The following SMOX variants were observed in gnomAD, a reference collection of about 807,000 sequenced individuals.
SMOX encodes the protein flavin containing amine oxidase.
SMOX carries 22 observed loss-of-function variants against 51.0 expected under a neutral mutation model. That is an observed-to-expected ratio of 0.43 (90% CI 0.31 to 0.62). The LOEUF is 0.62. Among genes scored for constraint, SMOX ranks in the 20% least tolerant of loss-of-function variants. The pLI is 0.10. For synonymous variants in SMOX, 282 were observed against 307.8 expected (o/e 0.92, Z 0.88); for missense variants, 566 against 777.7 (o/e 0.73, Z 3.24).
At chr20:4,175,391 C>T in intron 2 of SMOX, 128 bp downstream of exon 2, 1 of 1,142,116 alleles carries the variant, frequency 8.8e-7, no homozygotes. Flanking sequence ...CCTGCCTGGG[C>T]ATTTTCCAGA....
At position 4,170,626 on chromosome 20, in the gene SMOX, A is replaced by G. The variant is rs958975335; in HGVS notation, c.-26-4404A>G. Among the ~76,000 whole-genome samples the G allele has an allele frequency of 2.0e-5, 3 of 152,180 alleles. No individual in the cohort carries two copies. Among genetic ancestry groups the G allele is most frequent in the African/African-American group, 4.8e-5 (2 of 41,430 alleles). On this transcript the variant is annotated intron_variant, in intron 1 of 6. Coordinates refer to ENST00000305958, the MANE Select transcript of SMOX (RefSeq NM_175839.3). The surrounding 1 kb of genome is among the most constrained non-coding windows in gnomAD (Gnocchi z 4.6). ...GGATGGGATGAAGAAGTGGCAGTTCACACAAACTTTGGTGGCTCGTGCCCA... is the reference window on the plus strand; with the variant it reads ...GGATGGGATGAAGAAGTGGCAGTTCGCACAAACTTTGGTGGCTCGTGCCCA...
Position 4,183,234 on chromosome 20 carries a change from A to G in SMOX, c.1370-260A>G. The G allele has an allele frequency of 5.1e-6, 3 of 584,690 alleles. No individual in the cohort carries two copies. The highest frequency in any genetic ancestry group is 2.0e-5 in the South Asian group (1 of 49,140). 36.2% of individuals were successfully genotyped at this position (584,690 alleles called of 1,614,324 possible). ...AACCCCCGATATTAGGCGGGGAAAC[A>G]TGATTATGTGTCATGTGTTTTCAGA... On this transcript the variant is annotated intron_variant, in intron 5 of 6. Transcript: ENST00000305958. The surrounding 1 kb of genome is among the most constrained non-coding windows in gnomAD (Gnocchi z 4.3).
rs1212638390 is a variant in SMOX, at chr20:4,148,857, C to T, written c.-147C>T. 1.3e-5 allele frequency: 2 copies of T among 152,766 alleles called. No individual in the cohort carries two copies. Among genetic ancestry groups the T allele is most frequent in the African/African-American group, 2.4e-5 (1 of 41,424 alleles). 9.5% of individuals were successfully genotyped at this position (152,766 alleles called of 1,614,324 possible). A position where few individuals can be genotyped will look rare whatever the true frequency, so the allele number is the denominator to read the frequency against. On this transcript the variant is annotated 5_prime_UTR_variant, in exon 1 of 7. Coordinates refer to ENST00000305958, the MANE Select transcript of SMOX (RefSeq NM_175839.3). ...AGGCCGCGGCGGCTGGCTCGGGCCC[C>T]TACGGTCCCGGCGGCGGCTGGAGGA...
chr20:4,182,853 GCCACGTGCC>G lies in SMOX; in HGVS notation c.1369+11_1369+19del. 6.3e-7 allele frequency: 1 copy of G among 1,598,348 alleles called. No homozygotes were observed. The highest frequency in any genetic ancestry group is 8.5e-7 in the Non-Finnish European group (1 of 1,176,456). ...AGATGCTGCGTCAGTTCACAGGTGC[GCCACGTGCC>G]CCACGACCCGCTTCCCCCACCCTGC... On this transcript the variant is annotated splice_donor_region_variant and intron_variant, in intron 5 of 6. Transcript: ENST00000305958. This position sits in a 1 kb window ranked among gnomAD's most constrained non-coding sequence, Gnocchi z 8.4.
chr20:4,158,120 TC>T (rs1986121218), intron 1 of SMOX, among the ~76,000 whole-genome samples: 1 of 150,650 alleles, frequency 6.6e-6, no homozygotes, highest in Non-Finnish European at 1.5e-5. Context: ...CAGGATGGTC[TC>T]GATCTCCTGA....
At chr20:4,168,235 G>A (rs2122484824) in intron 1 of SMOX, among the ~76,000 whole-genome samples, 1 of 152,272 alleles carries the variant, frequency 6.6e-6, no homozygotes, top group East Asian at 1.9e-4. Flanking sequence ...TCGGGGGCAA[G>A]TGAGCTGTCC....
intron 1 of SMOX, among the ~76,000 whole-genome samples, chr20:4,164,962 T>G (rs1276788774): frequency 6.6e-6 from 1 of 151,610 alleles, no homozygotes; most frequent in East Asian, 1.9e-4. Context: ...ATTGCAGCCT[T>G]ACACACCTGG....
chr20:4,160,479 C>CA, intron 1 of SMOX, among the ~76,000 whole-genome samples: 1 of 152,286 alleles, frequency 6.6e-6, no homozygotes, highest in East Asian at 1.9e-4. Context: ...TGGCGTCTGT[C>CA]ATGCCTCTGA....
intron 1 of SMOX, among the ~76,000 whole-genome samples, chr20:4,163,599 G>T (rs1449052491): frequency 6.6e-6 from 1 of 152,240 alleles, no homozygotes; most frequent in Admixed American, 6.5e-5. Flanking sequence ...TGGGAATTTG[G>T]TAGCAGTTTA....
At position 4,181,666 on chromosome 20, in the gene SMOX, G is replaced by A. The variant is rs1343772306; in HGVS notation, c.436-137G>A. ...TTGGTGCAGCATTGAGTGCAACATC[G>A]GATCCCTAAGGGACAGAGACCAGGG... On this transcript the variant is annotated intron_variant, in intron 3 of 6. Transcript: ENST00000305958. This position sits in a 1 kb window ranked among gnomAD's most constrained non-coding sequence, Gnocchi z 5.6. The A allele has an allele frequency of 2.0e-5, 21 of 1,051,796 alleles. No homozygotes were observed. Among genetic ancestry groups the A allele is most frequent in the Non-Finnish European group, 2.3e-5 (17 of 729,446 alleles). The allele number at this position is 1,051,796 out of a possible 1,614,324, so 65.2% of individuals were successfully genotyped here.
chr20:4,179,362 G>A (rs1979149347), intron 3 of SMOX, among the ~76,000 whole-genome samples: 1 of 152,262 alleles, frequency 6.6e-6, no homozygotes, highest in Non-Finnish European at 1.5e-5. Context: ...AGTCAAGAGA[G>A]TGCGTTGTGG....
At chr20:4,155,793 A>G (rs1985994663) in intron 1 of SMOX, among the ~76,000 whole-genome samples, 1 of 151,868 alleles carries the variant, frequency 6.6e-6, no homozygotes, top group Non-Finnish European at 1.5e-5. Flanking sequence ...CAGTTGCTGG[A>G]AGCGGGGTAG....
Position 4,183,709 on chromosome 20 carries a change from G to C in SMOX, c.1530+55G>C. 1 of 1,520,062 alleles carries C rather than the reference G, an allele frequency of 6.6e-7. No individual in the cohort carries two copies. The highest frequency in any genetic ancestry group is 8.8e-7 in the Non-Finnish European group (1 of 1,140,766). 94.2% of individuals were successfully genotyped at this position (1,520,062 alleles called of 1,614,324 possible). On this transcript the variant is annotated intron_variant, in intron 6 of 6. Transcript: ENST00000305958. The surrounding 1 kb of genome is among the most constrained non-coding windows in gnomAD (Gnocchi z 4.3). ...AGTTGTGGGTGTATTTTGTATGTGT[G>C]TCCGGTCCAGGGTGAGGAGGGCTAG...
At position 4,149,139 on chromosome 20, in the gene SMOX, G is replaced by T. The variant is rs1985592519; in HGVS notation, c.-27+162G>T. Among the ~76,000 whole-genome samples, 1 of 149,082 alleles carries T rather than the reference G, an allele frequency of 6.7e-6. No individual in the cohort carries two copies. Among genetic ancestry groups the T allele is most frequent in the African/African-American group, 2.4e-5 (1 of 41,094 alleles). ...GCCAGCGCGGCGCTCGGGCGCTCGG[G>T]CGGGGGTGCGGGGCGTTCCGGGAGG... On this transcript the variant is annotated intron_variant, in intron 1 of 6. Transcript: ENST00000305958. The surrounding 1 kb of genome is among the most constrained non-coding windows in gnomAD (Gnocchi z 6.0).
rs781522050 is a variant in SMOX at position 4,165,049 on chromosome 20, GTTTTTTTTT to G, written c.-26-9966_-26-9958del. 4.8e-3 allele frequency among the ~76,000 whole-genome samples: 415 copies of G among 87,358 alleles called. 9 individuals carry two copies. Among genetic ancestry groups the G allele is most frequent in the Non-Finnish European group, 2.6e-3 (119 of 45,256 alleles). The allele number at this position is 87,358 out of a possible 152,430, so 57.3% of individuals were successfully genotyped here. ...TGCATCACCATGCCTTAGCTAAGTT[GTTTTTTTTT>G]TTTTTTTTTTTTTTGAGACAGAGTC... On this transcript the variant is annotated intron_variant, in intron 1 of 6. Coordinates refer to ENST00000305958, the MANE Select transcript of SMOX (RefSeq NM_175839.3).
chr20:4,182,521 G>T lies in SMOX; in HGVS notation c.1042G>T (p.Gly348Cys). The T allele has an allele frequency of 6.2e-7, 1 of 1,612,128 alleles. No homozygotes were observed. The highest frequency in any genetic ancestry group is 8.5e-7 in the Non-Finnish European group (1 of 1,178,846). The change falls in exon 5 of 7, where the codon GGC becomes TGC. Residue 348 changes from glycine (G) to cysteine (C), a missense_variant. By Grantham distance (159) the Gly-to-Cys change is radical. Transcript: ENST00000305958. The surrounding 1 kb of genome is among the most constrained non-coding windows in gnomAD (Gnocchi z 8.4). ...KRQYTSFFRP[G>C]LPTEKVAAIH... ...GCAGTACACCAGTTTCTTCCGGCCAGGCCTGCCCACAGAGAAGGTGGCTGC... is the reference window on the plus strand; with the variant it reads ...GCAGTACACCAGTTTCTTCCGGCCATGCCTGCCCACAGAGAAGGTGGCTGC...
intron 1 of SMOX, among the ~76,000 whole-genome samples, chr20:4,151,297 C>G (rs1741294): frequency 0.088 from 13,442 of 152,138 alleles, 794 homozygotes; most frequent in African/African-American, 0.16. Context: ...GCGTAACCCT[C>G]TCCCCAGGTC....
At position 4,166,415 on chromosome 20, in the gene SMOX, A is replaced by G. The variant is rs1161569259; in HGVS notation, c.-26-8615A>G. 6.6e-6 allele frequency among the ~76,000 whole-genome samples: 1 copy of G among 152,022 alleles called. No homozygotes were observed. The highest frequency in any genetic ancestry group is 1.9e-4 in the East Asian group (1 of 5,174). On this transcript the variant is annotated intron_variant, in intron 1 of 6. Coordinates refer to ENST00000305958, the MANE Select transcript of SMOX (RefSeq NM_175839.3). This position sits in a 1 kb window ranked among gnomAD's most constrained non-coding sequence, Gnocchi z 4.2. ...CAGGCTGGAGTGCAGTGGTGTGATC[A>G]TGGTTCACTGTAGCCTCGACTTCCT...
intron 1 of SMOX, among the ~76,000 whole-genome samples, chr20:4,151,698 C>G (rs969127984): frequency 2.0e-5 from 3 of 152,212 alleles, no homozygotes; most frequent in Admixed American, 1.3e-4. Flanking sequence ...CCTCAAATGC[C>G]TTCCCAGTCT....
Sources: allele counts gnomAD v4.1 joint callset (sites outside exome capture counted in the v4.1 genomes callset), GRCh38; gene constraint gnomAD v4.1.1; non-coding constraint Gnocchi (gnomAD v3.1); transcripts MANE v1.5; gene names NCBI Gene and HGNC (gene_info 2026-07-23, HGNC 2026-07-21).